The following CDC42EP1 variants were observed in gnomAD, a reference collection of about 807,000 sequenced individuals.
The protein encoded by CDC42EP1 is 55 kDa bone marrow stromal/endothelial cell protein.
CDC42EP1 carries 6 observed loss-of-function variants against 7.4 expected under a neutral mutation model. The observed-to-expected ratio is 0.81, with a 90% CI of 0.44 to 1.60. The LOEUF (loss-of-function observed/expected upper bound fraction) is 1.60, where lower values mean the gene tolerates loss of function less well. Ranked by LOEUF, CDC42EP1 falls within the 40% of genes most tolerant of loss-of-function variation. The pLI is 0.01. For synonymous variants in CDC42EP1, 238 were observed against 227.1 expected (o/e 1.05, Z -0.43); for missense variants, 567 against 539.0 (o/e 1.05, Z -0.51).
At chr22:37,563,442 G>A (rs1309930839) in intron 1 of CDC42EP1, among the ~76,000 whole-genome samples, 4 of 152,096 alleles carry the variant, frequency 2.6e-5, no homozygotes, top group Admixed American at 1.3e-4. Flanking sequence ...AACATTCCAC[G>A]AGGACTTCTC....
rs375107701 is a variant in CDC42EP1 at position 37,568,744 on chromosome 22, C to T, written c.1100C>T (p.Thr367Ile). 28 of 1,522,800 alleles carry T rather than the reference C, an allele frequency of 1.8e-5. No homozygotes were observed. The African/African-American group carries it at 2.2e-4, about 12-fold the overall frequency. The allele number at this position is 1,522,800 out of a possible 1,614,324, so 94.3% of individuals were successfully genotyped here. A position where few individuals can be genotyped will look rare whatever the true frequency, so the allele number is the denominator to read the frequency against. ...AGGGCGCCCCAGGCAGGCAGCAGGA[C>T]CCCAGTGCCCAGCACAGTGCAAGCA... is the stretch of plus-strand genomic sequence containing the variant. ...EWRAPQAGSR[T>I]PVPSTVQANT... The change falls in exon 3 of 3, where the codon ACC (threonine) becomes ATC (isoleucine). Residue 367 changes from threonine to isoleucine, a missense_variant. Transcript: ENST00000249014.
chr22:37,566,050 G>A lies in CDC42EP1; in HGVS notation c.-278-22G>A, dbSNP rs758638738. On this transcript the variant is annotated intron_variant, in intron 1 of 2. Transcript: ENST00000249014. The surrounding 1 kb of genome is among the most constrained non-coding windows in gnomAD (Gnocchi z 6.4). Reference sequence around the variant, plus strand: ...CCTCTGTCGCGGGCCTGCCGTCACCGCCCATTCTGTCTTCCTTCCAGGTCT... The same window carrying A: ...CCTCTGTCGCGGGCCTGCCGTCACCACCCATTCTGTCTTCCTTCCAGGTCT... 4.7e-5 allele frequency: 15 copies of A among 316,770 alleles called. No individual in the cohort carries two copies. Among genetic ancestry groups the A allele is most frequent in the Admixed American group, 1.0e-4 (2 of 20,082 alleles). 19.6% of individuals were successfully genotyped at this position (316,770 alleles called of 1,614,324 possible).
In CDC42EP1 at chr22:37,568,118, T is replaced by G; in HGVS notation, c.474T>G (p.Ser158=). ...TDGHSSYGLD[S]GFCTISRLPR... Reference sequence around the variant, plus strand: ...CCATTTCTCTTCTAGGCCTGGACTCTGGGTTCTGCACCATCTCCCGCCTGC... The same window carrying G: ...CCATTTCTCTTCTAGGCCTGGACTCGGGGTTCTGCACCATCTCCCGCCTGC... The change falls in exon 3 of 3, where the codon TCT becomes TCG. Residue 158 remains serine (S), a synonymous_variant. Coordinates refer to ENST00000249014, the MANE Select transcript of CDC42EP1 (RefSeq NM_152243.3). The G allele has an allele frequency of 6.2e-7, 1 of 1,612,428 alleles. No homozygotes were observed. The highest frequency in any genetic ancestry group is 8.5e-7 in the Non-Finnish European group (1 of 1,179,022).
In CDC42EP1 at chr22:37,566,782, A is replaced by G. The variant is rs757689044; in HGVS notation, c.433A>G (p.Thr145Ala). The change falls in exon 2 of 3, where the codon ACC (threonine) becomes GCC (alanine). Residue 145 changes from threonine (T) to alanine (A), a missense_variant. By Grantham distance (58) the Thr-to-Ala change is moderately conservative. Transcript: ENST00000249014. The surrounding 1 kb of genome is among the most constrained non-coding windows in gnomAD (Gnocchi z 6.4). Reference sequence around the variant, plus strand: ...CAAGCTCAGCTTCGACAGCAGCCCCACCAGCTCCACGGACGGCCACTCCAG... The same window carrying G: ...CAAGCTCAGCTTCGACAGCAGCCCCGCCAGCTCCACGGACGGCCACTCCAG... ...VGKLSFDSSP[T>A]SSTDGHSSYG... 2 of 1,573,386 alleles carry G rather than the reference A, an allele frequency of 1.3e-6. No individual in the cohort carries two copies. The highest frequency in any genetic ancestry group is 3.8e-5 in the Admixed American group (2 of 53,050).
rs778519457 is a variant in CDC42EP1, at chr22:37,566,344, G to A, written c.-6G>A. On this transcript the variant is annotated 5_prime_UTR_variant, in exon 2 of 3. Coordinates refer to ENST00000249014, the MANE Select transcript of CDC42EP1 (RefSeq NM_152243.3). This position sits in a 1 kb window ranked among gnomAD's most constrained non-coding sequence, Gnocchi z 6.4. ...ATGGACTAGCAGCTGTGAGCAGCCA[G>A]AGCTGATGCCCGGCCCCCAGGGGGG... 6 of 1,259,480 alleles carry A rather than the reference G, an allele frequency of 4.8e-6. No homozygotes were observed. The South Asian group carries it at 5.7e-5, about 12-fold the overall frequency. The allele number at this position is 1,259,480 out of a possible 1,614,324, so 78.0% of individuals were successfully genotyped here. A position where few individuals can be genotyped will look rare whatever the true frequency, so the allele number is the denominator to read the frequency against.
intron 1 of CDC42EP1, among the ~76,000 whole-genome samples, chr22:37,562,318 A>G (rs1345903267): frequency 1.3e-5 from 2 of 152,008 alleles, no homozygotes; most frequent in Admixed American, 1.3e-4. Context: ...AGGTGAGGGG[A>G]GGTGAGCCTG....
intron 1 of CDC42EP1, chr22:37,565,553 T>TACTGA (rs1044339188): frequency 2.0e-5 from 3 of 149,058 alleles, no homozygotes; most frequent in Non-Finnish European, 4.4e-5. Context: ...TTTTGCCTGT[T>TACTGA]ACTGAACTTC....
rs564595799 is a variant in CDC42EP1, at chr22:37,568,619, G to C, written c.975G>C (p.Trp325Cys). 1.3e-6 allele frequency: 2 copies of C among 1,591,272 alleles called. No individual in the cohort carries two copies. Among genetic ancestry groups the C allele is most frequent in the Non-Finnish European group, 1.7e-6 (2 of 1,169,240 alleles). ...PALGRHWGAG[W>C]DGGHHYPEMD... ...TCGGCAGGCACTGGGGAGCAGGCTGGGATGGCGGCCACCACTACCCAGAGA... is the reference window on the plus strand; with the variant it reads ...TCGGCAGGCACTGGGGAGCAGGCTGCGATGGCGGCCACCACTACCCAGAGA... The change falls in exon 3 of 3, where the codon TGG becomes TGC. Residue 325 changes from tryptophan to cysteine, a missense_variant. Transcript: ENST00000249014.
chr22:37,567,398 AC>A (rs1465994716), intron 2 of CDC42EP1, among the ~76,000 whole-genome samples: 2 of 151,984 alleles, frequency 1.3e-5, no homozygotes, highest in Admixed American at 1.3e-4. Context: ...ACTCACAGGA[AC>A]CGCAAGCCAC....
Position 37,566,952 on chromosome 22 carries a change from G to T in CDC42EP1, c.463+140G>T. On this transcript the variant is annotated intron_variant, in intron 2 of 2. Coordinates refer to ENST00000249014, the MANE Select transcript of CDC42EP1 (RefSeq NM_152243.3). The surrounding 1 kb of genome is among the most constrained non-coding windows in gnomAD (Gnocchi z 6.4). ...CAGACCCCACATCATGGATGGGGAG[G>T]GGGTGCAGTGGTGGGAACAAGCTGA... 1 of 562,510 alleles carries T rather than the reference G, an allele frequency of 1.8e-6. No homozygotes were observed. The highest frequency in any genetic ancestry group is 3.0e-6 in the Non-Finnish European group (1 of 336,670). The allele number at this position is 562,510 out of a possible 1,614,324, so 34.8% of individuals were successfully genotyped here. A position where few individuals can be genotyped will look rare whatever the true frequency, so the allele number is the denominator to read the frequency against.
chr22:37,566,266 C>T lies in CDC42EP1; in HGVS notation c.-84C>T, dbSNP rs967409830. 2.7e-5 allele frequency: 21 copies of T among 779,130 alleles called. No individual in the cohort carries two copies. The highest frequency in any genetic ancestry group is 1.8e-4 in the Admixed American group (6 of 33,128). 48.3% of individuals were successfully genotyped at this position (779,130 alleles called of 1,614,324 possible). A position where few individuals can be genotyped will look rare whatever the true frequency, so the allele number is the denominator to read the frequency against. On this transcript the variant is annotated 5_prime_UTR_variant, in exon 2 of 3. Coordinates refer to ENST00000249014, the MANE Select transcript of CDC42EP1 (RefSeq NM_152243.3). The surrounding 1 kb of genome is among the most constrained non-coding windows in gnomAD (Gnocchi z 6.4). ...TACAGCTTCCGCCAGGGCAAAGGAGCTGAGCAGCCATCCCAAGCCCAGCCC... is the reference window on the plus strand; with the variant it reads ...TACAGCTTCCGCCAGGGCAAAGGAGTTGAGCAGCCATCCCAAGCCCAGCCC...
In CDC42EP1 at chr22:37,568,580, T is replaced by A; in HGVS notation, c.936T>A (p.Pro312=). 2 of 1,602,604 alleles carry A rather than the reference T, an allele frequency of 1.2e-6. No individual in the cohort carries two copies. The highest frequency in any genetic ancestry group is 1.1e-5 in the South Asian group (1 of 89,444). The stretch of plus-strand genomic sequence containing the variant: ...CAGTGGGAGGGGGTCCCCGAGGACC[T>A]GCTGGCCCTGCCCTCGGCAGGCACT... ...SSPVGGGPRG[P]AGPALGRHWG... Residue 312 remains proline, a synonymous_variant, in exon 3 of 3, where the codon CCT becomes CCA. Transcript: ENST00000249014.
In CDC42EP1 at chr22:37,568,510, G is replaced by C. The variant is rs772301099; in HGVS notation, c.866G>C (p.Gly289Ala). The change falls in exon 3 of 3, where the codon GGG becomes GCG. Residue 289 changes from glycine (G) to alanine (A), a missense_variant. Coordinates refer to ENST00000249014, the MANE Select transcript of CDC42EP1 (RefSeq NM_152243.3). ...SSTPHGHCPN[G>A]VTAGLGPVAE... Reference sequence around the variant, plus strand: ...ACACCCCATGGACACTGTCCCAATGGGGTAACAGCTGGGTTGGGCCCAGTG... The same window carrying C: ...ACACCCCATGGACACTGTCCCAATGCGGTAACAGCTGGGTTGGGCCCAGTG... The C allele has an allele frequency of 1.2e-6, 2 of 1,609,462 alleles. No individual in the cohort carries two copies. The highest frequency in any genetic ancestry group is 3.4e-5 in the Admixed American group (2 of 59,316).
In CDC42EP1 at chr22:37,566,963, G is replaced by A; in HGVS notation, c.463+151G>A. 1.8e-6 allele frequency: 1 copy of A among 544,684 alleles called. No homozygotes were observed. The highest frequency in any genetic ancestry group is 3.1e-6 in the Non-Finnish European group (1 of 322,550). 33.7% of individuals were successfully genotyped at this position (544,684 alleles called of 1,614,324 possible). On this transcript the variant is annotated intron_variant, in intron 2 of 2. Coordinates refer to ENST00000249014, the MANE Select transcript of CDC42EP1 (RefSeq NM_152243.3). This position sits in a 1 kb window ranked among gnomAD's most constrained non-coding sequence, Gnocchi z 6.4. The stretch of plus-strand genomic sequence containing the variant: ...TCATGGATGGGGAGGGGGTGCAGTG[G>A]TGGGAACAAGCTGACTCCCCAAAAC...
At position 37,568,119 on chromosome 22, in the gene CDC42EP1, G is replaced by A. The variant is rs752564269; in HGVS notation, c.475G>A (p.Gly159Arg). 6.2e-7 allele frequency: 1 copy of A among 1,612,518 alleles called. No homozygotes were observed. Among genetic ancestry groups the A allele is most frequent in the South Asian group, 1.1e-5 (1 of 90,926 alleles). ...DGHSSYGLDS[G>R]FCTISRLPRS... ...CATTTCTCTTCTAGGCCTGGACTCTGGGTTCTGCACCATCTCCCGCCTGCC... is the reference window on the plus strand; with the variant it reads ...CATTTCTCTTCTAGGCCTGGACTCTAGGTTCTGCACCATCTCCCGCCTGCC... The change falls in exon 3 of 3, where the codon GGG becomes AGG. Residue 159 changes from glycine (G) to arginine (R), a missense_variant. By Grantham distance (125) the Gly-to-Arg change is moderately radical. Coordinates refer to ENST00000249014, the MANE Select transcript of CDC42EP1 (RefSeq NM_152243.3).
rs748335297 is a variant in CDC42EP1, at chr22:37,568,492, A to G, written c.848A>G (p.His283Arg). The G allele has an allele frequency of 6.8e-6, 11 of 1,607,862 alleles. No homozygotes were observed. The highest frequency in any genetic ancestry group is 2.7e-5 in the African/African-American group (2 of 74,748). The stretch of plus-strand genomic sequence containing the variant: ...GCCCCTGCCGCAAGCTCCACACCCC[A>G]TGGACACTGTCCCAATGGGGTAACA... ...PPAPAASSTP[H>R]GHCPNGVTAG... Residue 283 changes from histidine to arginine, a missense_variant, in exon 3 of 3, where the codon CAT becomes CGT. Transcript: ENST00000249014.
At chr22:37,565,070 G>A (rs1023031792) in intron 1 of CDC42EP1, among the ~76,000 whole-genome samples, 22 of 152,186 alleles carry the variant, frequency 1.4e-4, no homozygotes, top group African/African-American at 3.4e-4. Flanking sequence ...GAGCCACCGC[G>A]CCCAGCCCCT....
Position 37,566,296 on chromosome 22 carries a change from C to G in CDC42EP1, c.-54C>G. 4 of 870,858 alleles carry G rather than the reference C, an allele frequency of 4.6e-6. 1 individual carries two copies. Among genetic ancestry groups the G allele is most frequent in the Non-Finnish European group, 6.7e-6 (4 of 596,462 alleles). 53.9% of individuals were successfully genotyped at this position (870,858 alleles called of 1,614,324 possible). A position where few individuals can be genotyped will look rare whatever the true frequency, so the allele number is the denominator to read the frequency against. ...CAGCCATCCCAAGCCCAGCCCACCT[C>G]CCTCCCCCGGCCCCTGGTAGGCATG... is the stretch of plus-strand genomic sequence containing the variant. On this transcript the variant is annotated 5_prime_UTR_variant, in exon 2 of 3. Transcript: ENST00000249014. The surrounding 1 kb of genome is among the most constrained non-coding windows in gnomAD (Gnocchi z 6.4).
At position 37,568,802 on chromosome 22, in the gene CDC42EP1, T is replaced by G. The variant is rs780902663; in HGVS notation, c.1158T>G (p.Asp386Glu). 2 of 1,494,166 alleles carry G rather than the reference T, an allele frequency of 1.3e-6. No individual in the cohort carries two copies. The highest frequency in any genetic ancestry group is 1.8e-6 in the Non-Finnish European group (2 of 1,121,124). 92.6% of individuals were successfully genotyped at this position (1,494,166 alleles called of 1,614,324 possible). The change falls in exon 3 of 3, where the codon GAT becomes GAG. Residue 386 changes from aspartate (D) to glutamate (E), a missense_variant. Coordinates refer to ENST00000249014, the MANE Select transcript of CDC42EP1 (RefSeq NM_152243.3). Reference sequence around the variant, plus strand: ...TTGAATTTGCGGATGCTGAGGAGGATGATGAGGTCAAGGTGTGAGGGGCTG... The same window carrying G: ...TTGAATTTGCGGATGCTGAGGAGGAGGATGAGGTCAAGGTGTGAGGGGCTG... ...NTFEFADAEE[D>E]DEVKV
Sources: gnomAD v4.1 joint callset for allele counts (sites outside exome capture counted in the v4.1 genomes callset) on GRCh38, gnomAD v4.1.1 for gene constraint, Gnocchi (gnomAD v3.1) non-coding constraint, MANE v1.5 for transcripts, NCBI Gene and HGNC (gene_info 2026-07-23, HGNC 2026-07-21) for gene names.